Variants in LOC400499 observed in about 807,000 individuals in gnomAD.
chr16:11,456,017 A>C, the LOC400499 span, among the ~76,000 whole-genome samples: 1 of 150,760 alleles, frequency 6.6e-6, no homozygotes, highest in Admixed American at 6.7e-5. Flanking sequence ...AAACTGAAAA[A>C]ATGGAAAAAA....
chr16:11,374,326 T>G, the LOC400499 span, among the ~76,000 whole-genome samples: 1 of 152,236 alleles, frequency 6.6e-6, no homozygotes, highest in Non-Finnish European at 1.5e-5. Context: ...ACATTTCTAG[T>G]GTAAAAAATT....
the LOC400499 span, among the ~76,000 whole-genome samples, chr16:11,424,696 C>T: frequency 2.6e-5 from 4 of 152,168 alleles, no homozygotes; most frequent in African/African-American, 7.2e-5. Flanking sequence ...GTCCTCCCTT[C>T]GCTGCTGCAC....
the LOC400499 span, chr16:11,459,974 G>C: frequency 6.6e-7 from 1 of 1,516,486 alleles, no homozygotes; most frequent in South Asian, 1.2e-5. Context: ...TCTTGTTGCT[G>C]TTCTTGTCCC....
the LOC400499 span, among the ~76,000 whole-genome samples, chr16:11,470,886 G>T: frequency 6.6e-6 from 1 of 152,202 alleles, no homozygotes. Context: ...GATGTCCCGG[G>T]GAAGAGTGTT....
the LOC400499 span, among the ~76,000 whole-genome samples, chr16:11,489,913 G>C: frequency 6.6e-6 from 1 of 152,240 alleles, no homozygotes; most frequent in Non-Finnish European, 1.5e-5. Flanking sequence ...GCCAAAGGTA[G>C]CTGTGCAGGT....
At chr16:11,413,521 G>A in the LOC400499 span, among the ~76,000 whole-genome samples, 1 of 152,174 alleles carries the variant, frequency 6.6e-6, no homozygotes, top group Non-Finnish European at 1.5e-5. Flanking sequence ...CATGCCAAGT[G>A]ACAGTGGTCA....
At chr16:11,396,571 G>A in the LOC400499 span, 1 of 1,232,240 alleles carries the variant, frequency 8.1e-7, no homozygotes, top group Non-Finnish European at 1.0e-6. Context: ...GGGTCAGGCT[G>A]AGATGCAGGC....
chr16:11,469,224 G>A, the LOC400499 span: 1,056 of 399,464 alleles, frequency 2.6e-3, 14 homozygotes, highest in African/African-American at 0.019. Flanking sequence ...CAAGTGACCC[G>A]TGTGGGCACT....
At chr16:11,519,274 G>C in the LOC400499 span, among the ~76,000 whole-genome samples, 7 of 152,200 alleles carry the variant, frequency 4.6e-5, no homozygotes, top group African/African-American at 1.7e-4. Context: ...ACAAGAATAT[G>C]TTACATTGTA....
the LOC400499 span, chr16:11,469,208 C>T: frequency 1.3e-4 from 52 of 399,608 alleles, no homozygotes; most frequent in African/African-American, 9.2e-4. Flanking sequence ...CATCCAGCAC[C>T]AGCTCCAAGT....
chr16:11,483,214 T>C, the LOC400499 span, among the ~76,000 whole-genome samples: 2 of 152,198 alleles, frequency 1.3e-5, no homozygotes, highest in Non-Finnish European at 2.9e-5. Flanking sequence ...CTGGTGGGAA[T>C]GCAAAAATAG....
chr16:11,473,621 G>A, the LOC400499 span, among the ~76,000 whole-genome samples: 1 of 152,088 alleles, frequency 6.6e-6, no homozygotes, highest in East Asian at 1.9e-4. Context: ...CGGGCTTGGT[G>A]GCAGGTGCCT....
At chr16:11,488,289 G>GT in the LOC400499 span, among the ~76,000 whole-genome samples, 1 of 152,034 alleles carries the variant, frequency 6.6e-6, no homozygotes, top group Non-Finnish European at 1.5e-5. Flanking sequence ...GAGAAAAGAT[G>GT]TAAGTATTCA....
chr16:11,486,928 T>C, the LOC400499 span, among the ~76,000 whole-genome samples: 1 of 82,482 alleles, frequency 1.2e-5, no homozygotes, highest in African/African-American at 5.0e-5. Flanking sequence ...GTAGGATGAA[T>C]GGATGATGGG....
the LOC400499 span, chr16:11,470,498 TAATA>T: frequency 2.0e-5 from 3 of 152,166 alleles, no homozygotes; most frequent in Admixed American, 1.3e-4. Context: ...AGCCTTTTCT[TAATA>T]AATCACTTGT....
chr16:11,408,451 ATTTT>A, the LOC400499 span, among the ~76,000 whole-genome samples: 13 of 131,170 alleles, frequency 9.9e-5, no homozygotes, highest in Non-Finnish European at 4.7e-5. Flanking sequence ...TCAGTGCAGG[ATTTT>A]TTTTTTTTTT....
the LOC400499 span, among the ~76,000 whole-genome samples, chr16:11,436,845 C>T: frequency 2.0e-5 from 3 of 152,118 alleles, no homozygotes; most frequent in South Asian, 2.1e-4. Context: ...CTGTCTGCCT[C>T]GACCTCCCAA....
the LOC400499 span, among the ~76,000 whole-genome samples, chr16:11,382,464 C>T: frequency 6.6e-6 from 1 of 152,168 alleles, no homozygotes; most frequent in East Asian, 1.9e-4. Context: ...TGACGGAGCT[C>T]TCACCACATG....
chr16:11,476,094 T>A, the LOC400499 span, among the ~76,000 whole-genome samples: 15 of 144,752 alleles, frequency 1.0e-4, no homozygotes, highest in African/African-American at 4.0e-4. Context: ...GGCCCTGGGG[T>A]AGGAACAAGT....
Sources: gnomAD v4.1 joint callset for allele counts (sites outside exome capture counted in the v4.1 genomes callset) on GRCh38, gnomAD v4.1.1 for gene constraint, MANE v1.5 for transcripts.